SCHIP1: variants seen among roughly 807,000 people sequenced by gnomAD.
SCHIP1 encodes the protein schwannomin-interacting protein 1.
SCHIP1 carries 8 observed loss-of-function variants against 29.7 expected under a neutral mutation model. The ratio of observed to expected loss-of-function variants is 0.27; its 90% CI spans 0.16 to 0.49. SCHIP1 has a LOEUF of 0.49. Ranked by LOEUF, SCHIP1 falls within the 20% of genes least tolerant of loss-of-function variation. SCHIP1 has a pLI of 0.99. For synonymous variants in SCHIP1, 76 were observed against 94.9 expected (o/e 0.80, Z 1.16); for missense variants, 193 against 294.6 (o/e 0.66, Z 2.52).
At chr3:159,352,203 G>T in the SCHIP1 span, among the ~76,000 whole-genome samples, 1 of 152,092 alleles carries the variant, frequency 6.6e-6, no homozygotes. Flanking sequence ...GGCATACCCA[G>T]GAGTCCCAGG....
the SCHIP1 span, among the ~76,000 whole-genome samples, chr3:159,529,330 G>T: frequency 2.0e-5 from 3 of 152,134 alleles, no homozygotes; most frequent in Non-Finnish European, 4.4e-5. Context: ...TAAGTCAAAG[G>T]AAAACCAAAT....
chr3:159,565,089 C>A, the SCHIP1 span, among the ~76,000 whole-genome samples: 1 of 152,044 alleles, frequency 6.6e-6, no homozygotes, highest in South Asian at 2.1e-4. Flanking sequence ...AGCTAGAGTT[C>A]TTTGATGGTC....
At chr3:159,364,020 C>A in the SCHIP1 span, among the ~76,000 whole-genome samples, 1 of 152,208 alleles carries the variant, frequency 6.6e-6, no homozygotes, top group South Asian at 2.1e-4. Context: ...TTCTTTTTCT[C>A]ACAGTGTTGC....
chr3:159,520,066 T>C, the SCHIP1 span, among the ~76,000 whole-genome samples: 1 of 119,610 alleles, frequency 8.4e-6, no homozygotes, highest in African/African-American at 3.3e-5. Flanking sequence ...AGCATATAAA[T>C]ACCAGGAAGA....
At chr3:159,602,354 G>A in the SCHIP1 span, among the ~76,000 whole-genome samples, 734 of 152,210 alleles carry the variant, frequency 4.8e-3, 7 homozygotes, top group South Asian at 0.014. Context: ...GACAGCAGGT[G>A]CCTGATGTCT....
At chr3:159,313,805 A>G in the SCHIP1 span, among the ~76,000 whole-genome samples, 1 of 152,142 alleles carries the variant, frequency 6.6e-6, no homozygotes, top group African/African-American at 2.4e-5. Context: ...CTAATCTGCA[A>G]CTGGTCCTCA....
At chr3:159,374,096 T>C in the SCHIP1 span, among the ~76,000 whole-genome samples, 4 of 152,210 alleles carry the variant, frequency 2.6e-5, no homozygotes, top group Middle Eastern at 3.2e-3. Flanking sequence ...ATACAATATA[T>C]AAAATCATAG....
the SCHIP1 span, among the ~76,000 whole-genome samples, chr3:159,830,626 C>G: frequency 2.0e-5 from 3 of 152,134 alleles, no homozygotes; most frequent in African/African-American, 7.2e-5. Context: ...CCCTTACTTT[C>G]TATTTTTGGG....
the SCHIP1 span, among the ~76,000 whole-genome samples, chr3:159,415,312 T>C: frequency 6.6e-6 from 1 of 152,124 alleles, no homozygotes; most frequent in African/African-American, 2.4e-5. Context: ...TAACTTTTAT[T>C]TTAGGTTTGG....
chr3:159,534,114 A>T, the SCHIP1 span, among the ~76,000 whole-genome samples: 3 of 152,208 alleles, frequency 2.0e-5, no homozygotes, highest in Non-Finnish European at 4.4e-5. Context: ...AATAATGTAC[A>T]TTCTGTTTAT....
At chr3:159,813,949 C>T in the SCHIP1 span, among the ~76,000 whole-genome samples, 1 of 152,272 alleles carries the variant, frequency 6.6e-6, no homozygotes, top group East Asian at 1.9e-4. Flanking sequence ...CTATCCAGAC[C>T]TGAGAGTTGA....
upstream of SCHIP1, among the ~76,000 whole-genome samples, chr3:159,837,089 A>G (rs1012642604): frequency 4.6e-5 from 7 of 152,144 alleles, no homozygotes; most frequent in African/African-American, 1.7e-4. Context: ...AGCAACTGTG[A>G]AGAGTGGAAT....
the SCHIP1 span, among the ~76,000 whole-genome samples, chr3:159,283,166 T>C: frequency 6.6e-6 from 1 of 152,318 alleles, no homozygotes; most frequent in African/African-American, 2.4e-5. Flanking sequence ...TTTTTTATTT[T>C]TTTTGAGACG....
chr3:159,646,115 A>G, the SCHIP1 span, among the ~76,000 whole-genome samples: 2 of 152,154 alleles, frequency 1.3e-5, no homozygotes, highest in Non-Finnish European at 2.9e-5. Flanking sequence ...GATCTGAAGC[A>G]AAAACTCCAC....
At chr3:159,794,221 A>G in the SCHIP1 span, among the ~76,000 whole-genome samples, 2 of 152,244 alleles carry the variant, frequency 1.3e-5, no homozygotes, top group Non-Finnish European at 2.9e-5. Context: ...CCTCTGAGTC[A>G]GCCACAGCTT....
the SCHIP1 span, among the ~76,000 whole-genome samples, chr3:159,295,645 T>C: frequency 1.3e-5 from 2 of 152,182 alleles, no homozygotes; most frequent in African/African-American, 4.8e-5. Flanking sequence ...CCAGGTCCCA[T>C]CTCTCAGGCT....
chr3:159,690,422 C>T, the SCHIP1 span, among the ~76,000 whole-genome samples: 1 of 152,176 alleles, frequency 6.6e-6, no homozygotes, highest in Admixed American at 6.5e-5. Context: ...GTTTGTATTT[C>T]TGTGGGATCA....
At chr3:159,279,829 A>G in the SCHIP1 span, among the ~76,000 whole-genome samples, 1 of 152,230 alleles carries the variant, frequency 6.6e-6, no homozygotes, top group Non-Finnish European at 1.5e-5. Flanking sequence ...TTGGTTGGCC[A>G]GAAACCCATG....
At chr3:159,551,739 TA>T in the SCHIP1 span, among the ~76,000 whole-genome samples, 5 of 151,844 alleles carry the variant, frequency 3.3e-5, no homozygotes, top group South Asian at 2.1e-4. Context: ...TCTTTTTCAT[TA>T]AAAAAAAGAT....
Sources: gnomAD v4.1 joint callset for allele counts (sites outside exome capture counted in the v4.1 genomes callset) on GRCh38, gnomAD v4.1.1 for gene constraint, MANE v1.5 for transcripts, NCBI Gene and HGNC (gene_info 2026-07-23, HGNC 2026-07-21) for gene names.